The following LOC114841035 variants were observed in gnomAD, a reference collection of about 807,000 sequenced individuals.
the LOC114841035 span, chr11:64,243,359 C>T: frequency 2.9e-5 from 46 of 1,600,030 alleles, no homozygotes; most frequent in Non-Finnish European, 3.7e-5. Flanking sequence ...GCATGGCCAC[C>T]GCCCAGGAGG....
chr11:64,242,878 C>T, the LOC114841035 span, among the ~76,000 whole-genome samples: 1 of 152,170 alleles, frequency 6.6e-6, no homozygotes, highest in Non-Finnish European at 1.5e-5. Flanking sequence ...GAATTTGAGA[C>T]CAGTTTGGCC....
the LOC114841035 span, chr11:64,244,093 C>T: frequency 2.0e-6 from 3 of 1,524,378 alleles, no homozygotes; most frequent in Admixed American, 5.5e-5. Flanking sequence ...AAAAAAAAAA[C>T]AAAAAACAAA....
the LOC114841035 span, chr11:64,243,663 A>G: frequency 1.7e-6 from 2 of 1,156,168 alleles, no homozygotes; most frequent in African/African-American, 1.5e-5. Flanking sequence ...AGATCATTGA[A>G]GCACTCAGCT....
At chr11:64,242,762 C>T in the LOC114841035 span, among the ~76,000 whole-genome samples, 4 of 150,378 alleles carry the variant, frequency 2.7e-5, no homozygotes, top group Admixed American at 2.6e-4. Flanking sequence ...TGTGAGCTGC[C>T]CAAGGCTCTG....
the LOC114841035 span, chr11:64,242,471 A>G: frequency 6.5e-7 from 1 of 1,550,114 alleles, no homozygotes; most frequent in East Asian, 2.5e-5. Context: ...CCGAGGGCAA[A>G]AGGAAGCTGC....
At chr11:64,242,460 G>A in the LOC114841035 span, 1 of 1,549,072 alleles carries the variant, frequency 6.5e-7, no homozygotes, top group Non-Finnish European at 8.7e-7. Flanking sequence ...GGCCACGGGG[G>A]CCGAGGGCAA....
chr11:64,243,413 T>G, the LOC114841035 span: 1 of 1,613,430 alleles, frequency 6.2e-7, no homozygotes, highest in Non-Finnish European at 8.5e-7. Context: ...ACAAGGGCCC[T>G]GGGTGCTGCC....
the LOC114841035 span, chr11:64,243,952 C>G: frequency 6.2e-7 from 1 of 1,613,992 alleles, no homozygotes; most frequent in Non-Finnish European, 8.5e-7. Flanking sequence ...ATTTTGACTC[C>G]CCTTCTCCCC....
chr11:64,242,044 C>T, the LOC114841035 span: 1 of 226,120 alleles, frequency 4.4e-6, no homozygotes, highest in Non-Finnish European at 8.8e-6. Flanking sequence ...CAGATAGGGT[C>T]TGGACTTTGC....
At chr11:64,244,098 A>AC in the LOC114841035 span, 1 of 1,530,248 alleles carries the variant, frequency 6.5e-7, no homozygotes, top group African/African-American at 1.4e-5. Context: ...AAAAACAAAA[A>AC]ACAAAAACAA....
chr11:64,242,307 C>G, the LOC114841035 span: 1 of 1,350,156 alleles, frequency 7.4e-7, no homozygotes, highest in Non-Finnish European at 9.8e-7. Context: ...GTGGAACCCT[C>G]CTGTTACCTA....
chr11:64,242,274 G>A, the LOC114841035 span: 3 of 1,117,382 alleles, frequency 2.7e-6, no homozygotes, highest in Non-Finnish European at 2.4e-6. Flanking sequence ...GGGATCCCCC[G>A]GGGCAAGGAA....
the LOC114841035 span, chr11:64,243,506 C>A: frequency 3.1e-6 from 5 of 1,613,422 alleles, no homozygotes; most frequent in Non-Finnish European, 4.2e-6. Context: ...AGGTAAGAGG[C>A]CCCTCCTGAG....
chr11:64,243,686 C>T, the LOC114841035 span: 2 of 1,210,086 alleles, frequency 1.7e-6, no homozygotes, highest in Non-Finnish European at 2.4e-6. Context: ...AGTGGCCCCA[C>T]TCTGCCCTTG....
the LOC114841035 span, among the ~76,000 whole-genome samples, chr11:64,242,954 C>T: frequency 6.6e-6 from 1 of 152,204 alleles, no homozygotes; most frequent in East Asian, 1.9e-4. Flanking sequence ...CGCCTATAAT[C>T]CCAGCTACTT....
the LOC114841035 span, chr11:64,242,549 G>A: frequency 6.5e-7 from 1 of 1,543,986 alleles, no homozygotes; most frequent in Non-Finnish European, 8.7e-7. Context: ...TCCTGCACAT[G>A]CACTACACGG....
the LOC114841035 span, chr11:64,243,316 G>C: frequency 6.2e-7 from 1 of 1,601,666 alleles, no homozygotes; most frequent in East Asian, 2.2e-5. Context: ...GCTGGGGTGA[G>C]TCATGGGGGA....
chr11:64,241,583 G>A, the LOC114841035 span: 1 of 152,878 alleles, frequency 6.5e-6, no homozygotes, highest in Non-Finnish European at 1.5e-5. Context: ...TTCTGTCGAA[G>A]GCGGGGCTGC....
At chr11:64,242,323 G>C in the LOC114841035 span, 1 of 1,430,310 alleles carries the variant, frequency 7.0e-7, no homozygotes, top group African/African-American at 1.5e-5. Flanking sequence ...ACCTACCCGT[G>C]TTCCATACTC....
Sources: allele counts gnomAD v4.1 joint callset (sites outside exome capture counted in the v4.1 genomes callset), GRCh38; gene constraint gnomAD v4.1.1; transcripts MANE v1.5.